SOX6: variants seen among roughly 807,000 people sequenced by gnomAD.
The protein encoded by SOX6 is transcription factor SOX-6.
SOX6 carries 11 observed loss-of-function variants against 97.8 expected under a neutral mutation model. That is an observed-to-expected ratio of 0.11 (90% CI 0.07 to 0.19). The LOEUF (loss-of-function observed/expected upper bound fraction) is 0.19, where lower values mean the gene tolerates loss of function less well. Ranked by LOEUF, SOX6 falls within the 10% of genes least tolerant of loss-of-function variation. The pLI, the probability that SOX6 is intolerant of heterozygous loss-of-function variation, is 1.00. For synonymous variants in SOX6, 360 were observed against 371.4 expected (o/e 0.97, Z 0.35); for missense variants, 810 against 1,039.5 (o/e 0.78, Z 3.04).
At chr11:16,595,409 C>T (rs1175496593) in intron 4 of SOX6, among the ~76,000 whole-genome samples, 1 of 151,988 alleles carries the variant, frequency 6.6e-6, no homozygotes, top group South Asian at 2.1e-4. Context: ...CAGAGAGCTT[C>T]CAAACTAAAA....
intron 1 of SOX6, among the ~76,000 whole-genome samples, chr11:16,460,465 A>C (rs1056109565): frequency 6.6e-5 from 10 of 152,066 alleles, no homozygotes; most frequent in African/African-American, 2.4e-4. Context: ...AGTATGAATG[A>C]TAAGGTAATA....
chr11:16,073,174 C>T (rs1391575557), intron 9 of SOX6, among the ~76,000 whole-genome samples: 1 of 152,074 alleles, frequency 6.6e-6, no homozygotes, highest in East Asian at 1.9e-4. Context: ...AAAGCAAGAC[C>T]TAACTATGAG....
At chr11:16,359,781 C>G (rs1857162772), upstream of SOX6, among the ~76,000 whole-genome samples, 1 of 152,100 alleles carries the variant, frequency 6.6e-6, no homozygotes, top group African/African-American at 2.4e-5. Flanking sequence ...AGAAGTTATA[C>G]TAATAAAAAT....
chr11:16,468,117 A>G (rs1379420763), intron 1 of SOX6, among the ~76,000 whole-genome samples: 2 of 152,172 alleles, frequency 1.3e-5, no homozygotes, highest in Non-Finnish European at 1.5e-5. Context: ...ATTGTTTCCA[A>G]TCTCAAGTTA....
intron 4 of SOX6, among the ~76,000 whole-genome samples, chr11:16,230,471 G>A (rs944543734): frequency 6.6e-6 from 1 of 151,342 alleles, no homozygotes; most frequent in African/African-American, 2.4e-5. Flanking sequence ...ATAACAAAAG[G>A]AAAATAGAAT....
chr11:16,585,664 G>GA (rs1249877700), intron 4 of SOX6, among the ~76,000 whole-genome samples: 1 of 143,184 alleles, frequency 7.0e-6, no homozygotes, highest in Non-Finnish European at 1.5e-5. Flanking sequence ...ACTCAACGGA[G>GA]AATTTTTTTT....
At chr11:16,257,257 T>G (rs1452940004) in intron 3 of SOX6, among the ~76,000 whole-genome samples, 2 of 151,876 alleles carry the variant, frequency 1.3e-5, no homozygotes, top group East Asian at 3.8e-4. Flanking sequence ...GCCAACTTAC[T>G]ATTGAAGAAG....
intron 4 of SOX6, among the ~76,000 whole-genome samples, chr11:16,560,791 A>C (rs1482216388): frequency 6.6e-6 from 1 of 152,194 alleles, no homozygotes; most frequent in African/African-American, 2.4e-5. Flanking sequence ...GTAAGAAAGA[A>C]GGAAGAAGTG....
chr11:16,068,882 C>T (rs1590174421), intron 9 of SOX6, among the ~76,000 whole-genome samples: 1 of 152,132 alleles, frequency 6.6e-6, no homozygotes, highest in Non-Finnish European at 1.5e-5. Flanking sequence ...TTTCTCCCAC[C>T]AAATTCTGAG....
intron 4 of SOX6, among the ~76,000 whole-genome samples, chr11:16,594,426 C>T (rs1021723144): frequency 2.0e-5 from 3 of 151,996 alleles, no homozygotes; most frequent in Non-Finnish European, 1.5e-5. Flanking sequence ...TTTAAAAATG[C>T]CTTTAAGGGT....
intron 6 of SOX6, among the ~76,000 whole-genome samples, chr11:16,149,135 A>T (rs896182328): frequency 1.5e-4 from 23 of 152,308 alleles, no homozygotes; most frequent in Admixed American, 1.1e-3. Flanking sequence ...TGGAATGACA[A>T]ATGAAACTCC....
chr11:16,432,539 T>C (rs1859291638), intron 1 of SOX6, among the ~76,000 whole-genome samples: 1 of 152,128 alleles, frequency 6.6e-6, no homozygotes, highest in Non-Finnish European at 1.5e-5. Flanking sequence ...CAAATTGCCG[T>C]AATCAGAAAC....
intron 4 of SOX6, among the ~76,000 whole-genome samples, chr11:16,523,848 C>T (rs1199806869): frequency 3.9e-5 from 6 of 152,258 alleles, no homozygotes; most frequent in Admixed American, 3.3e-4. Flanking sequence ...GAGAATACTA[C>T]AAACACCTCT....
chr11:16,666,558 CT>C (rs1281582220), intron 3 of SOX6, among the ~76,000 whole-genome samples: 6 of 152,094 alleles, frequency 3.9e-5, no homozygotes, highest in South Asian at 2.1e-4. Context: ...GTAATCCCAG[CT>C]CTTTGGAAGG....
At chr11:16,585,697 T>TC (rs1261811338) in intron 4 of SOX6, among the ~76,000 whole-genome samples, 1 of 149,006 alleles carries the variant, frequency 6.7e-6, no homozygotes, top group Non-Finnish European at 1.5e-5. Context: ...TTTTTTTTTT[T>TC]TTTGAGACAG....
chr11:16,613,333 CGGCG>C lies in SOX6; in HGVS notation n.430-1077_430-1074del, dbSNP rs1848423483. 1 of 152,284 alleles carries C rather than the reference CGGCG, an allele frequency of 6.6e-6. No homozygotes were observed. Among genetic ancestry groups the C allele is most frequent in the Middle Eastern group, 3.2e-3 (1 of 316 alleles). The allele number at this position is 152,284 out of a possible 1,614,324, so 9.4% of individuals were successfully genotyped here. A position where few individuals can be genotyped will look rare whatever the true frequency, so the allele number is the denominator to read the frequency against. On this transcript the variant is annotated intron_variant and non_coding_transcript_variant, in intron 3 of 5. Coordinates refer to the SOX6 transcript ENST00000524520. The surrounding 1 kb of genome is among the most constrained non-coding windows in gnomAD (Gnocchi z 4.6). ...TGCACCCTGGAGAAGGGCACAAACA[CGGCG>C]GGGGCTTTATTTTTCAGGTCTCTCC...
chr11:16,129,536 T>A (rs1434628633), intron 6 of SOX6, among the ~76,000 whole-genome samples: 1 of 152,164 alleles, frequency 6.6e-6, no homozygotes, highest in Non-Finnish European at 1.5e-5. Flanking sequence ...GTACTAGTTT[T>A]AAAAAGCATA....
At chr11:16,045,920 G>A (rs566162815) in intron 12 of SOX6, among the ~76,000 whole-genome samples, 11 of 152,118 alleles carry the variant, frequency 7.2e-5, no homozygotes, top group Admixed American at 3.9e-4. Context: ...TTCATTGTCT[G>A]TGTTCTCCTA....
intron 12 of SOX6, among the ~76,000 whole-genome samples, chr11:16,022,300 C>A (rs754186481): frequency 6.8e-6 from 1 of 146,332 alleles, no homozygotes; most frequent in Non-Finnish European, 1.5e-5. Context: ...ACCAAAGATG[C>A]TTTGTTTTTC....
Sources: gnomAD v4.1 joint callset for allele counts (sites outside exome capture counted in the v4.1 genomes callset) on GRCh38, gnomAD v4.1.1 for gene constraint, Gnocchi (gnomAD v3.1) non-coding constraint, MANE v1.5 for transcripts, NCBI Gene and HGNC (gene_info 2026-07-23, HGNC 2026-07-21) for gene names.